DSCAM: variants seen among roughly 807,000 people sequenced by gnomAD.
DSCAM encodes cell adhesion molecule DSCAM.
A neutral mutation model predicts 217.7 loss-of-function variants in DSCAM; 47 were observed. The ratio of observed to expected loss-of-function variants is 0.22; its 90% CI spans 0.17 to 0.28. The LOEUF (loss-of-function observed/expected upper bound fraction) is 0.28. DSCAM is among the 10% of genes least tolerant of loss of function. DSCAM has a pLI of 1.00. For synonymous variants in DSCAM, 1,056 were observed against 1,015.3 expected (o/e 1.04, Z -0.76); for missense variants, 2,080 against 2,618.3 (o/e 0.79, Z 4.49).
chr21:40,051,642 G>T (rs2088933176), intron 30 of DSCAM, among the ~76,000 whole-genome samples: 1 of 152,092 alleles, frequency 6.6e-6, no homozygotes, highest in African/African-American at 2.4e-5. Context: ...TCCCAATACT[G>T]GCATACAGCA....
chr21:40,232,908 TGTTA>T (rs1214307184), intron 11 of DSCAM, among the ~76,000 whole-genome samples: 1 of 152,134 alleles, frequency 6.6e-6, no homozygotes, highest in African/African-American at 2.4e-5. Context: ...AGAACAGTTC[TGTTA>T]GATAATTGGA....
At chr21:40,159,400 A>G (rs1026914817) in intron 16 of DSCAM, among the ~76,000 whole-genome samples, 1 of 152,006 alleles carries the variant, frequency 6.6e-6, no homozygotes, top group Non-Finnish European at 1.5e-5. Flanking sequence ...CCACCTATGC[A>G]CTCCCTGTAC....
intron 20 of DSCAM, among the ~76,000 whole-genome samples, chr21:40,099,286 A>G (rs577364109): frequency 1.3e-5 from 2 of 152,346 alleles, no homozygotes; most frequent in South Asian, 4.2e-4. Flanking sequence ...ACAATAAAAT[A>G]TGACTTTTTA....
chr21:40,693,205 T>A (rs2090557174), intron 2 of DSCAM, among the ~76,000 whole-genome samples: 1 of 152,148 alleles, frequency 6.6e-6, no homozygotes, highest in African/African-American at 2.4e-5. Flanking sequence ...GAGGCCAAGA[T>A]GGGTAGATCC....
intron 5 of DSCAM, among the ~76,000 whole-genome samples, chr21:40,350,877 CT>C (rs10658416): frequency 0.012 from 754 of 63,820 alleles, 4 homozygotes; most frequent in African/African-American, 0.041. Flanking sequence ...ATAAGTCATA[CT>C]TTTTTTTTTT....
chr21:40,520,485 C>T (rs961652416), intron 3 of DSCAM, among the ~76,000 whole-genome samples: 6 of 152,014 alleles, frequency 3.9e-5, no homozygotes, highest in Non-Finnish European at 8.8e-5. Context: ...AAATAAAACA[C>T]AAACACTAAC....
At chr21:40,191,300 C>G (rs1385920322) in intron 11 of DSCAM, among the ~76,000 whole-genome samples, 1 of 152,132 alleles carries the variant, frequency 6.6e-6, no homozygotes, top group Non-Finnish European at 1.5e-5. Context: ...AGATGTGCCC[C>G]ACAGCACTGA....
chr21:40,278,448 A>G (rs1601511672), intron 10 of DSCAM, among the ~76,000 whole-genome samples: 2 of 152,278 alleles, frequency 1.3e-5, no homozygotes, highest in Middle Eastern at 3.4e-3. Flanking sequence ...ATAACAACTT[A>G]TTGGCAGGCC....
intron 1 of DSCAM, among the ~76,000 whole-genome samples, chr21:40,815,791 G>A (rs1477597450): frequency 1.3e-5 from 2 of 152,190 alleles, no homozygotes; most frequent in African/African-American, 2.4e-5. Context: ...CACACCTCTA[G>A]TGACCTTCAG....
At chr21:40,251,081 A>T (rs923288404) in intron 11 of DSCAM, among the ~76,000 whole-genome samples, 1 of 152,206 alleles carries the variant, frequency 6.6e-6, no homozygotes. Context: ...CTCTTCTGTC[A>T]TCAATGAAAT....
intron 11 of DSCAM, among the ~76,000 whole-genome samples, chr21:40,216,130 C>T (rs964435751): frequency 2.6e-5 from 4 of 152,098 alleles, no homozygotes; most frequent in Non-Finnish European, 5.9e-5. Context: ...GTTTTAGAGA[C>T]AGGATCTCTC....
At chr21:40,138,794 G>C (rs1466162605) in intron 18 of DSCAM, among the ~76,000 whole-genome samples, 1 of 145,450 alleles carries the variant, frequency 6.9e-6, no homozygotes, top group Non-Finnish European at 1.5e-5. Context: ...GTATGTGTAT[G>C]TGTGGTATGT....
intron 8 of DSCAM, among the ~76,000 whole-genome samples, chr21:40,324,365 C>T (rs1172075456): frequency 2.0e-5 from 3 of 151,818 alleles, no homozygotes; most frequent in Non-Finnish European, 4.4e-5. Flanking sequence ...AATTTGGGGG[C>T]GTAAAAGAGT....
At chr21:40,636,063 T>C (rs1466011773) in intron 3 of DSCAM, among the ~76,000 whole-genome samples, 1 of 152,134 alleles carries the variant, frequency 6.6e-6, no homozygotes, top group Non-Finnish European at 1.5e-5. Context: ...GATAAGAAGA[T>C]TGAAAGAAAC....
chr21:40,489,135 AG>A (rs2076053977), intron 3 of DSCAM, among the ~76,000 whole-genome samples: 1 of 152,198 alleles, frequency 6.6e-6, no homozygotes, highest in Non-Finnish European at 1.5e-5. Flanking sequence ...CATTTAGTCA[AG>A]CATTATTCTG....
intron 3 of DSCAM, among the ~76,000 whole-genome samples, chr21:40,654,888 A>T (rs1488624034): frequency 6.6e-6 from 1 of 152,068 alleles, no homozygotes; most frequent in East Asian, 1.9e-4. Context: ...TAGGACACGC[A>T]CATCTTTAGG....
intron 32 of DSCAM, among the ~76,000 whole-genome samples, chr21:40,031,807 C>T (rs2088530172): frequency 6.6e-6 from 1 of 152,194 alleles, no homozygotes; most frequent in Admixed American, 6.5e-5. Flanking sequence ...GTATCCCAAA[C>T]CAGAAATGGG....
intron 3 of DSCAM, among the ~76,000 whole-genome samples, chr21:40,663,046 AGTGT>A (rs911919442): frequency 3.6e-4 from 41 of 114,874 alleles, no homozygotes; most frequent in Non-Finnish European, 4.3e-4. Flanking sequence ...TGCACATGTG[AGTGT>A]GTGTGTGTGC....
chr21:40,480,105 G>A (rs143850736), intron 3 of DSCAM, among the ~76,000 whole-genome samples: 4 of 152,284 alleles, frequency 2.6e-5, no homozygotes, highest in Admixed American at 1.3e-4. Flanking sequence ...AAACAAGAAC[G>A]CCAGAAATGA....
Sources: gnomAD v4.1 joint callset for allele counts (sites outside exome capture counted in the v4.1 genomes callset) on GRCh38, gnomAD v4.1.1 for gene constraint, MANE v1.5 for transcripts, NCBI Gene and HGNC (gene_info 2026-07-23, HGNC 2026-07-21) for gene names.